Variants in DNAJA1 observed in about 807,000 individuals in gnomAD.
DNAJA1 encodes DnaJ heat shock protein family (Hsp40) member A1.
A neutral mutation model predicts 47.6 loss-of-function variants in DNAJA1; 26 were observed. The observed-to-expected ratio is 0.55, with a 90% CI of 0.40 to 0.76. The LOEUF is 0.76. Ranked by LOEUF, DNAJA1 falls within the 30% of genes least tolerant of loss-of-function variation. DNAJA1 has a pLI of 0.00. For synonymous variants in DNAJA1, 165 were observed against 158.4 expected, an observed-to-expected ratio of 1.04 and a Z score of -0.31; for missense variants, 315 against 485.0, an observed-to-expected ratio of 0.65 and a Z score of 3.29.
chr9:33,033,454 A>G (rs1047400040), intron 5 of DNAJA1, among the ~76,000 whole-genome samples: 5 of 151,970 alleles, frequency 3.3e-5, no homozygotes, highest in African/African-American at 1.2e-4. Context: ...TAATCCGAAC[A>G]CTATAGGATG....
At chr9:33,030,373 T>A (rs1838941916) in intron 4 of DNAJA1, 67 bp from the exon 5 acceptor site, 1 of 1,453,372 alleles carries the variant, frequency 6.9e-7, no homozygotes, top group Admixed American at 1.9e-5. Context: ...GGAATTGTCT[T>A]CTTAAAACAT....
chr9:33,038,059 C>T (rs1450946174), intron 8 of DNAJA1, among the ~76,000 whole-genome samples: 1 of 150,228 alleles, frequency 6.7e-6, no homozygotes, highest in Non-Finnish European at 1.5e-5. Flanking sequence ...AGGTGGAGTG[C>T]AGTGGTGCGA....
Position 33,030,479 on chromosome 9 carries a change from A to T in DNAJA1, c.455A>T (p.Asn152Ile), listed in dbSNP as rs1171653812. The T allele has an allele frequency of 6.2e-7, 1 of 1,613,440 alleles. No individual in the cohort carries two copies. Among genetic ancestry groups the T allele is most frequent in the Non-Finnish European group, 8.5e-7 (1 of 1,180,014 alleles). ...GKKGAVECCP[N>I]CRGTGMQIRI... ...AAAGGAGCAGTAGAGTGCTGTCCCA[A>T]TTGCCGAGGTACTGGAATGCAAATA... Residue 152 changes from asparagine to isoleucine, a missense_variant, in exon 5 of 9, where the codon AAT becomes ATT. By Grantham distance (149) the Asn-to-Ile change is moderately radical. Coordinates refer to ENST00000330899, the MANE Select transcript of DNAJA1 (RefSeq NM_001539.4).
chr9:33,026,405 G>C, intron 1 of DNAJA1, 70 bp from the exon 2 acceptor site: 3 of 1,513,290 alleles, frequency 2.0e-6, no homozygotes, highest in Non-Finnish European at 2.6e-6. Flanking sequence ...GAGATTGCTC[G>C]GCCTTAGCTC....
rs1838861444 is a variant in DNAJA1, at chr9:33,026,629, T to C, written c.132+13T>C. 2.5e-6 allele frequency: 4 copies of C among 1,597,820 alleles called. No homozygotes were observed. The highest frequency in any genetic ancestry group is 2.7e-5 in the African/African-American group (2 of 73,296). On this transcript the variant is annotated intron_variant, in intron 2 of 8. Coordinates refer to ENST00000330899, the MANE Select transcript of DNAJA1 (RefSeq NM_001539.4). ...TGAAGGAGAGAAGGTGAATAGTATC[T>C]ACTCTTAAACGTATCTGAATAGTTC...
chr9:33,028,025 C>CAAAAAAAA (rs144327341), intron 3 of DNAJA1, among the ~76,000 whole-genome samples: 7 of 77,924 alleles, frequency 9.0e-5, no homozygotes, highest in Non-Finnish European at 1.2e-4. Flanking sequence ...ACTCTTGTCT[C>CAAAAAAAA]AAAAAAAAAA....
intron 1 of DNAJA1, among the ~76,000 whole-genome samples, chr9:33,026,106 G>C (rs553228811): frequency 1.3e-5 from 2 of 152,334 alleles, no homozygotes; most frequent in East Asian, 3.9e-4. Context: ...GCCAAAGACA[G>C]TGATAGTGTA....
chr9:33,026,664 C>A lies in DNAJA1; in HGVS notation c.132+48C>A, dbSNP rs745347154. ...CGTATCTGAATAGTTCTTTGCCAGA[C>A]GTATAGTATTTCTATTATGGCCTGA... On this transcript the variant is annotated intron_variant, in intron 2 of 8. Transcript: ENST00000330899. The A allele has an allele frequency of 3.2e-6, 5 of 1,575,286 alleles. No homozygotes were observed. In the African/African-American group the frequency reaches 6.9e-5, roughly 22 times the overall value.
intron 5 of DNAJA1, among the ~76,000 whole-genome samples, chr9:33,033,230 G>A (rs746500510): frequency 2.0e-5 from 3 of 151,332 alleles, no homozygotes; most frequent in African/African-American, 7.3e-5. Context: ...TGTATTTTAC[G>A]GACCACATGG....
Position 33,029,918 on chromosome 9 carries a change from T to C in DNAJA1, c.344T>C (p.Leu115Pro). ...GTTGTACATCAGCTCTCAGTAACCC[T>C]AGAAGACTTATATAATGGTGCAACA... Reference protein sequence around the residue: ...KNVVHQLSVTLEDLYNGATRK... With the variant: ...KNVVHQLSVTPEDLYNGATRK... Residue 115 changes from leucine (L) to proline (P), a missense_variant, in exon 4 of 9, where the codon CTA (leucine) becomes CCA (proline). Physicochemically the swap from Leu to Pro is moderately conservative, Grantham distance 98 (BLOSUM62 -3). Transcript: ENST00000330899. The C allele has an allele frequency of 6.2e-7, 1 of 1,612,646 alleles. No individual in the cohort carries two copies. The highest frequency in any genetic ancestry group is 8.5e-7 in the Non-Finnish European group (1 of 1,179,660).
intron 3 of DNAJA1, among the ~76,000 whole-genome samples, chr9:33,028,520 AAAGATCTT>A (rs1248035995): frequency 2.0e-5 from 3 of 152,206 alleles, no homozygotes; most frequent in Non-Finnish European, 4.4e-5. Context: ...GTTTTTCTTT[AAAGATCTT>A]CAAGGAAAGG....
chr9:33,025,419 G>A (rs978268265), intron 1 of DNAJA1, 36 bp downstream of exon 1: 1 of 152,490 alleles, frequency 6.6e-6, no homozygotes, highest in African/African-American at 2.4e-5. Context: ...CTAGTCCCCT[G>A]GCTGGCGCCA....
At chr9:33,037,484 C>T (rs936448365) in intron 8 of DNAJA1, among the ~76,000 whole-genome samples, 2 of 151,956 alleles carry the variant, frequency 1.3e-5, no homozygotes, top group African/African-American at 2.4e-5. Flanking sequence ...GAGTTAAAGG[C>T]CAGCCTGGGC....
rs1839078450 is a variant in DNAJA1 at position 33,039,018 on chromosome 9, G to A, written c.*115G>A. On this transcript the variant is annotated 3_prime_UTR_variant, in exon 9 of 9. Transcript: ENST00000330899. ...CTTGTTTTTGTTTTAATAAACTATAGTAGTGTTTTAAAAAGTTAAATGAAG... is the reference window on the plus strand; with the variant it reads ...CTTGTTTTTGTTTTAATAAACTATAATAGTGTTTTAAAAAGTTAAATGAAG... The A allele has an allele frequency of 6.7e-6, 7 of 1,051,964 alleles. No homozygotes were observed. The highest frequency in any genetic ancestry group is 5.1e-5 in the Admixed American group (2 of 38,996). 65.2% of individuals were successfully genotyped at this position (1,051,964 alleles called of 1,614,324 possible).
At chr9:33,037,208 A>G (rs1281835451) in intron 8 of DNAJA1, 93 bp downstream of exon 8, 10 of 1,023,670 alleles carry the variant, frequency 9.8e-6, no homozygotes, top group Non-Finnish European at 1.4e-5. Flanking sequence ...CAAGTAGCTC[A>G]TGCCTGTAAT....
At chr9:33,025,562 C>G (rs1838796583) in intron 1 of DNAJA1, among the ~76,000 whole-genome samples, 179 bp downstream of exon 1, 1 of 152,184 alleles carries the variant, frequency 6.6e-6, no homozygotes, top group Non-Finnish European at 1.5e-5. Context: ...ATCCCCGGCA[C>G]GCACAGTGAA....
rs772428402 is a variant in DNAJA1, at chr9:33,038,949, T to C, written c.*46T>C. 1.2e-5 allele frequency: 18 copies of C among 1,503,086 alleles called. No homozygotes were observed. Among genetic ancestry groups the C allele is most frequent in the Non-Finnish European group, 5.5e-6 (6 of 1,098,034 alleles). The allele number at this position is 1,503,086 out of a possible 1,614,324, so 93.1% of individuals were successfully genotyped here. A position where few individuals can be genotyped will look rare whatever the true frequency, so the allele number is the denominator to read the frequency against. On this transcript the variant is annotated 3_prime_UTR_variant, in exon 9 of 9. Coordinates refer to ENST00000330899, the MANE Select transcript of DNAJA1 (RefSeq NM_001539.4). ...ACTGCTGGCATTTAATGTGCAGTAG[T>C]GAATGAGTGAAGGACTGTAATCATA... is the stretch of plus-strand genomic sequence containing the variant.
Sources: gnomAD v4.1 joint callset for allele counts (sites outside exome capture counted in the v4.1 genomes callset) on GRCh38, gnomAD v4.1.1 for gene constraint, MANE v1.5 for transcripts, NCBI Gene and HGNC (gene_info 2026-07-23, HGNC 2026-07-21) for gene names.